Variants in TEAD1 observed in about 807,000 individuals in gnomAD.
TEAD1 encodes the protein transcriptional enhancer factor TEF-1.
In TEAD1, 9 loss-of-function variants were observed where a neutral mutation model predicts 54.9. The ratio of observed to expected loss-of-function variants is 0.16; its 90% confidence interval spans 0.10 to 0.29. The LOEUF (loss-of-function observed/expected upper bound fraction) is 0.29, where lower values mean the gene tolerates loss of function less well. Ranked by LOEUF, TEAD1 falls within the 10% of genes least tolerant of loss-of-function variation. The pLI, the probability that TEAD1 is intolerant of heterozygous loss-of-function variation, is 1.00. For missense variants in TEAD1, 387 were observed against 535.9 expected (o/e 0.72, Z 2.74); for synonymous variants, 200 against 187.8 (o/e 1.07, Z -0.53).
chr11:12,706,847 C>G (rs1943826714), intron 2 of TEAD1, among the ~76,000 whole-genome samples: 1 of 152,302 alleles, frequency 6.6e-6, no homozygotes, highest in African/African-American at 2.4e-5. Context: ...CTCTCACCAT[C>G]TCCATAATGG....
rs188732786 is a variant in TEAD1 at position 12,909,397 on chromosome 11, C to T, written c.873+7284C>T. 4.6e-4 allele frequency among the ~76,000 whole-genome samples: 70 copies of T among 152,188 alleles called. 2 individuals carry two copies. The Middle Eastern group carries it at 0.014, about 30-fold the overall frequency. On this transcript the variant is annotated intron_variant, in intron 10 of 12. Transcript: ENST00000527636. ...CAGGGACATGGATGAAGCTGGAAGC[C>T]ATCATCGTTAGCAAACTAACACAGG...
At chr11:12,835,972 A>G (rs2134024660) in intron 3 of TEAD1, among the ~76,000 whole-genome samples, 1 of 152,286 alleles carries the variant, frequency 6.6e-6, no homozygotes, top group South Asian at 2.1e-4. Flanking sequence ...TTGCCAAAAG[A>G]CTAGGTTTTA....
chr11:12,719,887 A>G (rs1590082380), intron 2 of TEAD1, among the ~76,000 whole-genome samples: 1 of 144,890 alleles, frequency 6.9e-6, no homozygotes, highest in East Asian at 2.2e-4. Context: ...AACATAGTCC[A>G]GGTGGCATGA....
chr11:12,820,840 C>T lies in TEAD1; in HGVS notation c.203-41410C>T, dbSNP rs190891696. 3.9e-4 allele frequency among the ~76,000 whole-genome samples: 59 copies of T among 152,170 alleles called. 1 individual carries two copies. Among genetic ancestry groups the T allele is most frequent in the Non-Finnish European group, 1.0e-4 (7 of 68,010 alleles). On this transcript the variant is annotated intron_variant, in intron 3 of 12. Transcript: ENST00000527636. ...GTACATTAACTTAAATAAATCAAAGCGAACAATTTTAAGATGACGAGTAAG... is the reference window on the plus strand; with the variant it reads ...GTACATTAACTTAAATAAATCAAAGTGAACAATTTTAAGATGACGAGTAAG...
chr11:12,747,670 G>A (rs1045979224), intron 2 of TEAD1, among the ~76,000 whole-genome samples: 2 of 152,110 alleles, frequency 1.3e-5, no homozygotes, highest in East Asian at 3.9e-4. Context: ...GAGAACCTAC[G>A]GTGTGTCTGG....
At chr11:12,814,472 G>A (rs774827338) in intron 3 of TEAD1, among the ~76,000 whole-genome samples, 10 of 152,154 alleles carry the variant, frequency 6.6e-5, no homozygotes, top group Non-Finnish European at 1.5e-4. Flanking sequence ...CCTGGAAGGG[G>A]ACCTCTGTTG....
chr11:12,741,109 TA>T (rs1253755800), intron 2 of TEAD1, among the ~76,000 whole-genome samples: 4 of 152,206 alleles, frequency 2.6e-5, no homozygotes, highest in Admixed American at 6.5e-5. Context: ...GCTACATGCA[TA>T]AAACTGGTTA....
intron 2 of TEAD1, among the ~76,000 whole-genome samples, chr11:12,683,292 T>A (rs1754177406): frequency 6.6e-6 from 1 of 152,258 alleles, no homozygotes; most frequent in South Asian, 2.1e-4. Context: ...CAGTCATGTC[T>A]TAGGGTTAGT....
At chr11:12,932,416 G>A (rs572955130) in intron 12 of TEAD1, among the ~76,000 whole-genome samples, 1 of 151,938 alleles carries the variant, frequency 6.6e-6, no homozygotes, top group Non-Finnish European at 1.5e-5. Flanking sequence ...GCCTCTCTTG[G>A]GGGGGAGTCT....
At chr11:12,855,909 C>T (rs1947366206) in intron 3 of TEAD1, among the ~76,000 whole-genome samples, 1 of 150,338 alleles carries the variant, frequency 6.7e-6, no homozygotes, top group South Asian at 2.1e-4. Context: ...GATCATGCCA[C>T]TGCACTCCAG....
At chr11:12,703,562 A>G (rs112178649) in intron 2 of TEAD1, among the ~76,000 whole-genome samples, 19 of 152,326 alleles carry the variant, frequency 1.2e-4, no homozygotes, top group African/African-American at 2.4e-4. Flanking sequence ...TCTTTAGCCC[A>G]TAAGTGTCTT....
At chr11:12,811,111 C>T (rs1351441458) in intron 3 of TEAD1, among the ~76,000 whole-genome samples, 1 of 152,204 alleles carries the variant, frequency 6.6e-6, no homozygotes, top group Non-Finnish European at 1.5e-5. Flanking sequence ...ACAGCTATGT[C>T]CACGGCGATT....
chr11:12,922,513 G>A (rs1373048587), intron 10 of TEAD1: 2 of 152,136 alleles, frequency 1.3e-5, no homozygotes, highest in African/African-American at 4.8e-5. Flanking sequence ...TAAGGAGTTG[G>A]ACATTTTCCT....
rs1949191012 is a variant in TEAD1, at chr11:12,944,716, A to T, written c.*7494A>T. Among the ~76,000 whole-genome samples the T allele has an allele frequency of 6.6e-6, 1 of 152,156 alleles. No individual in the cohort carries two copies. ...ATTCATACGGTATCAATGAAAAATA[A>T]AGAAAATGAAAGTGTGGGTCACCTT... On this transcript the variant is annotated 3_prime_UTR_variant, in exon 13 of 13. Coordinates refer to ENST00000527636, the MANE Select transcript of TEAD1 (RefSeq NM_021961.6).
In TEAD1 at chr11:12,757,553, C is replaced by G. The variant is rs139345399; in HGVS notation, c.-54-6626C>G. On this transcript the variant is annotated intron_variant, in intron 2 of 12. Transcript: ENST00000527636. ...AAATTGGATCAGCCACCCAACTCTT[C>G]GTTATTTACACTGTGCCTGGCTTAC... Among the ~76,000 whole-genome samples the G allele has an allele frequency of 7.8e-3, 1,187 of 152,274 alleles. 20 individuals are homozygous for G. Among genetic ancestry groups the G allele is most frequent in the African/African-American group, 0.027 (1,134 of 41,556 alleles).
chr11:12,883,228 T>C, intron 9 of TEAD1, 103 bp downstream of exon 9: 19 of 1,560,850 alleles, frequency 1.2e-5, no homozygotes, highest in Non-Finnish European at 1.5e-5. Flanking sequence ...GCCCCATGCC[T>C]GACAAATATC....
chr11:12,870,512 A>G (rs1031813453), intron 5 of TEAD1, among the ~76,000 whole-genome samples: 1 of 151,600 alleles, frequency 6.6e-6, no homozygotes, highest in African/African-American at 2.4e-5. Context: ...GAGCACAGTG[A>G]TTTTGGAAAT....
chr11:12,684,844 C>T (rs1303443758), intron 2 of TEAD1, among the ~76,000 whole-genome samples: 1 of 152,220 alleles, frequency 6.6e-6, no homozygotes, highest in Non-Finnish European at 1.5e-5. Context: ...ATAATTCACA[C>T]TCATGTGAAT....
At chr11:12,802,390 G>A (rs1050603151) in intron 3 of TEAD1, among the ~76,000 whole-genome samples, 29 of 151,704 alleles carry the variant, frequency 1.9e-4, no homozygotes, top group South Asian at 8.3e-4. Flanking sequence ...TTTTTAACCC[G>A]AGGAAGTTGA....
Sources: gnomAD v4.1 joint callset for allele counts (sites outside exome capture counted in the v4.1 genomes callset) on GRCh38, gnomAD v4.1.1 for gene constraint, MANE v1.5 for transcripts, NCBI Gene and HGNC (gene_info 2026-07-23, HGNC 2026-07-21) for gene names.